The following SRGAP3 variants were observed in gnomAD, a reference collection of about 807,000 sequenced individuals.
SRGAP3 encodes SLIT-ROBO Rho GTPase activating protein 3.
Under a neutral mutation model 121.1 loss-of-function variants are expected in SRGAP3, and 39 were observed. The observed-to-expected ratio is 0.32, with a 90% confidence interval of 0.25 to 0.42. SRGAP3 has a LOEUF of 0.42. Among genes scored for constraint, SRGAP3 ranks in the 10% least tolerant of loss-of-function variants. SRGAP3 has a pLI of 1.00. For synonymous variants in SRGAP3, 601 were observed against 570.0 expected (o/e 1.05, Z -0.77); for missense variants, 1,213 against 1,470.6 (o/e 0.82, Z 2.86).
chr3:9,092,640 T>G (rs1413940242), intron 3 of SRGAP3, among the ~76,000 whole-genome samples: 1 of 152,212 alleles, frequency 6.6e-6, no homozygotes, highest in Admixed American at 6.5e-5. Flanking sequence ...TCTAAGCACC[T>G]TTAAGGTCTT....
At chr3:9,013,899 A>G in intron 15 of SRGAP3, 57 bp from the exon 16 acceptor site, 2 of 1,538,160 alleles carry the variant, frequency 1.3e-6, no homozygotes, top group Non-Finnish European at 1.8e-6. Flanking sequence ...CAAAGCAACA[A>G]ACATTCGCTC....
At chr3:8,990,963 T>C (rs894691172) in intron 20 of SRGAP3, 124 bp from the exon 21 acceptor site, 6 of 824,108 alleles carry the variant, frequency 7.3e-6, no homozygotes, top group Admixed American at 3.1e-5. Flanking sequence ...CAGTAAAGCC[T>C]CATTCAGCCA....
intron 18 of SRGAP3, among the ~76,000 whole-genome samples, chr3:9,008,688 C>A (rs960128775): frequency 2.0e-5 from 3 of 152,202 alleles, no homozygotes; most frequent in African/African-American, 7.2e-5. Flanking sequence ...AGGACACATT[C>A]CTCAGTTCAG....
chr3:9,238,592 A>T (rs866604756), intron 1 of SRGAP3, among the ~76,000 whole-genome samples: 2 of 152,280 alleles, frequency 1.3e-5, no homozygotes, highest in Middle Eastern at 3.4e-3. Context: ...ATAAGAAAAA[A>T]ATCTGCACCC....
chr3:8,998,847 T>G (rs750108428), intron 18 of SRGAP3, among the ~76,000 whole-genome samples: 1 of 152,168 alleles, frequency 6.6e-6, no homozygotes, highest in Non-Finnish European at 1.5e-5. Flanking sequence ...ACTACCCTCA[T>G]TTCATAGATG....
intron 14 of SRGAP3, among the ~76,000 whole-genome samples, chr3:9,020,041 T>C (rs955607106): frequency 9.2e-5 from 14 of 152,208 alleles, no homozygotes; most frequent in Non-Finnish European, 1.6e-4. Context: ...TACAACAGCA[T>C]TGCATGTCAC....
At chr3:9,256,247 T>C (rs903268420) in intron 3 of SRGAP3, among the ~76,000 whole-genome samples, 12 of 152,170 alleles carry the variant, frequency 7.9e-5, no homozygotes, top group African/African-American at 2.9e-4. Flanking sequence ...TGCGTGTGTG[T>C]CCAAGGACTG....
At chr3:9,252,602 C>A (rs542309903), upstream of SRGAP3, among the ~76,000 whole-genome samples, 1 of 152,224 alleles carries the variant, frequency 6.6e-6, no homozygotes, top group Admixed American at 6.5e-5. Context: ...AAATCCATCA[C>A]CACACACAAT....
chr3:9,286,161 CAT>C (rs1445954485), intron 3 of SRGAP3, among the ~76,000 whole-genome samples: 2 of 136,742 alleles, frequency 1.5e-5, no homozygotes, highest in African/African-American at 5.6e-5. Context: ...CACACACACA[CAT>C]TTATCTGTGT....
At chr3:9,270,413 G>T (rs1954451117) in intron 3 of SRGAP3, among the ~76,000 whole-genome samples, 1 of 152,104 alleles carries the variant, frequency 6.6e-6, no homozygotes, top group Non-Finnish European at 1.5e-5. Context: ...TGGCCTATGG[G>T]GGTGGAGATT....
chr3:9,248,295 T>A (rs1284100214), intron 1 of SRGAP3, among the ~76,000 whole-genome samples: 1 of 152,200 alleles, frequency 6.6e-6, no homozygotes, highest in Non-Finnish European at 1.5e-5. Flanking sequence ...AATGCCTGCA[T>A]TAGTCTGGAT....
chr3:9,091,514 A>G (rs1947754471), intron 3 of SRGAP3, among the ~76,000 whole-genome samples: 1 of 152,066 alleles, frequency 6.6e-6, no homozygotes. Flanking sequence ...GATGTTCCCT[A>G]TTTAAATACA....
At chr3:9,051,910 A>C (rs1945597991) in intron 9 of SRGAP3, among the ~76,000 whole-genome samples, 1 of 151,952 alleles carries the variant, frequency 6.6e-6, no homozygotes, top group African/African-American at 2.4e-5. Context: ...ACGGGTTTTC[A>C]CCGTGTTGCC....
chr3:9,101,932 G>C (rs909778596), intron 3 of SRGAP3, among the ~76,000 whole-genome samples: 4 of 152,188 alleles, frequency 2.6e-5, no homozygotes, highest in African/African-American at 9.7e-5. Context: ...AGACTCCACT[G>C]CAAAAGGGGA....
At chr3:9,137,325 T>C (rs1355180138) in intron 1 of SRGAP3, among the ~76,000 whole-genome samples, 4 of 152,174 alleles carry the variant, frequency 2.6e-5, no homozygotes, top group Admixed American at 6.5e-5. Flanking sequence ...CTCCGAAGGC[T>C]TCCCTGAAGC....
Position 9,013,828 on chromosome 3 carries a change from C to G in SRGAP3, c.1828G>C (p.Ala610Pro). The G allele has an allele frequency of 6.2e-7, 1 of 1,614,198 alleles. No individual in the cohort carries two copies. The highest frequency in any genetic ancestry group is 2.2e-5 in the East Asian group (1 of 44,880). ...TGTTGGATCTGGTGCACCCTCTCGG[C>G]TGGGTTCTCCAGTTCTGTAACATAA... is the stretch of plus-strand genomic sequence containing the variant. Reference protein sequence around the residue: ...LISTIKLENPAERVHQIQQIL... With the variant: ...LISTIKLENPPERVHQIQQIL... Residue 610 changes from alanine to proline, a missense_variant, in exon 16 of 22, where the codon GCC becomes CCC. Around this residue, in one of 2 missense-constraint regions of SRGAP3, gnomAD observed 793 missense variants for 1,032.9 expected, o/e 0.77. Transcript: ENST00000383836.
chr3:8,994,425 G>C lies in SRGAP3; in HGVS notation c.2326C>G (p.Arg776Gly). The stretch of plus-strand genomic sequence containing the variant: ...CCCTCCCACCAGTCCTCCGAGGCGC[G>C]GTGGTACAGGAGCAGCGAGGCCCCC... ...KKGASLLLYH[R>G]ASEDWWEGRH... is the part of the protein sequence containing the mutation. Residue 776 changes from arginine to glycine, a missense_variant, in exon 19 of 22, where the codon CGC becomes GGC. Coordinates refer to ENST00000383836, the MANE Select transcript of SRGAP3 (RefSeq NM_014850.4). 1.9e-6 allele frequency: 3 copies of C among 1,614,250 alleles called. No homozygotes were observed. Among genetic ancestry groups the C allele is most frequent in the Non-Finnish European group, 2.5e-6 (3 of 1,180,052 alleles).
chr3:9,050,806 C>T (rs1945530818), intron 9 of SRGAP3, among the ~76,000 whole-genome samples: 1 of 152,204 alleles, frequency 6.6e-6, no homozygotes, highest in Admixed American at 6.5e-5. Context: ...GTGGTGAATA[C>T]CAGCAATCAG....
chr3:9,310,660 C>T (rs1158943693), intron 3 of SRGAP3, among the ~76,000 whole-genome samples: 1 of 152,178 alleles, frequency 6.6e-6, no homozygotes, highest in African/African-American at 2.4e-5. Context: ...AACCTGGAAT[C>T]ATCATGCAGG....
Sources: gnomAD v4.1 joint callset for allele counts (sites outside exome capture counted in the v4.1 genomes callset) on GRCh38, gnomAD v4.1.1 for gene constraint, gnomAD v4.1.1 regional missense constraint, MANE v1.5 for transcripts, NCBI Gene and HGNC (gene_info 2026-07-23, HGNC 2026-07-21) for gene names.